Variants in FECH observed in about 807,000 individuals in gnomAD.
The protein encoded by FECH is ferrochelatase.
Under a neutral mutation model 56.9 loss-of-function variants are expected in FECH, and 40 were observed. The ratio of observed to expected loss-of-function variants is 0.70; its 90% CI spans 0.55 to 0.92. FECH has a LOEUF of 0.92. FECH is among the 40% of genes least tolerant of loss of function. The pLI, the probability that FECH is intolerant of heterozygous loss-of-function variation, is 0.00. For missense variants in FECH, 431 were observed against 529.1 expected, an observed-to-expected ratio of 0.81 and a Z score of 1.82; for synonymous variants, 175 against 198.6, an observed-to-expected ratio of 0.88 and a Z score of 1.00.
intron 6 of FECH, among the ~76,000 whole-genome samples, chr18:57,562,072 T>C (rs190351782): frequency 4.3e-4 from 65 of 152,318 alleles, no homozygotes; most frequent in African/African-American, 1.4e-3. Flanking sequence ...CTAAAGAAGT[T>C]GTTAGTAGGG....
chr18:57,563,976 T>C (rs1479944277), intron 5 of FECH, among the ~76,000 whole-genome samples: 1 of 152,194 alleles, frequency 6.6e-6, no homozygotes, highest in Non-Finnish European at 1.5e-5. Flanking sequence ...ACTCTTGGGT[T>C]CAAGTGATTC....
chr18:57,582,666 C>G (rs1256056316), intron 1 of FECH, among the ~76,000 whole-genome samples: 3 of 151,256 alleles, frequency 2.0e-5, no homozygotes, highest in Non-Finnish European at 4.4e-5. Flanking sequence ...GTAATCCCAG[C>G]ACTTTGGGAG....
intron 2 of FECH, among the ~76,000 whole-genome samples, chr18:57,577,665 G>A (rs574784519): frequency 6.8e-6 from 1 of 148,138 alleles, no homozygotes; most frequent in Non-Finnish European, 1.5e-5. Context: ...AAGTATTTAT[G>A]ATGATAAAGT....
At chr18:57,558,568 T>A (rs1436117541) in intron 7 of FECH, among the ~76,000 whole-genome samples, 1 of 152,236 alleles carries the variant, frequency 6.6e-6, no homozygotes, top group Non-Finnish European at 1.5e-5. Context: ...AAAAGCAGCC[T>A]TCTCTTAACT....
intron 4 of FECH, among the ~76,000 whole-genome samples, chr18:57,570,028 TTGTCGTGTGTGTG>T (rs772998476): frequency 2.6e-4 from 26 of 101,866 alleles, no homozygotes; most frequent in East Asian, 6.4e-4. Context: ...GTTGTTGTTG[TTGTCGTGTGTGTG>T]TGTGTGTGTG....
chr18:57,570,025 TTGTTGTCGTGTG>T (rs1477486425), intron 4 of FECH, among the ~76,000 whole-genome samples: 205 of 113,490 alleles, frequency 1.8e-3, no homozygotes, highest in Middle Eastern at 9.3e-3. Flanking sequence ...GTTGTTGTTG[TTGTTGTCGTGTG>T]TGTGTGTGTG....
At chr18:57,566,312 C>G in intron 5 of FECH, 135 bp downstream of exon 5, 1 of 1,221,684 alleles carries the variant, frequency 8.2e-7, no homozygotes, top group South Asian at 1.2e-5. Context: ...GACCTGAACT[C>G]TCGTGTTTAA....
At chr18:57,585,481 C>T (rs150505986) in intron 1 of FECH, among the ~76,000 whole-genome samples, 32 of 152,326 alleles carry the variant, frequency 2.1e-4, no homozygotes, top group Middle Eastern at 6.8e-3. Context: ...TTCAATACTT[C>T]TTTCAGCCCC....
At chr18:57,563,275 C>T (rs969247271) in intron 5 of FECH, among the ~76,000 whole-genome samples, 1 of 152,036 alleles carries the variant, frequency 6.6e-6, no homozygotes, top group Non-Finnish European at 1.5e-5. Context: ...TTACAGGGAC[C>T]AAGTCTTACA....
rs755462599 is a variant in FECH, at chr18:57,551,276, T to C, written c.1137+39A>G. 13 of 1,415,680 alleles carry C rather than the reference T, an allele frequency of 9.2e-6. No individual in the cohort carries two copies. In the Admixed American group the frequency reaches 2.0e-4, roughly 22 times the overall value. The allele number at this position is 1,415,680 out of a possible 1,614,324, so 87.7% of individuals were successfully genotyped here. A position where few individuals can be genotyped will look rare whatever the true frequency, so the allele number is the denominator to read the frequency against. ...AAGAGTTTCTCAGAGGATTACTCTCTGGTATGTTCTACTAAAACGATTGTA... is the reference window on the plus strand; with the variant it reads ...AAGAGTTTCTCAGAGGATTACTCTCCGGTATGTTCTACTAAAACGATTGTA... On this transcript the variant is annotated intron_variant, in intron 10 of 10. Coordinates refer to ENST00000262093, the MANE Select transcript of FECH (RefSeq NM_000140.5).
In FECH at chr18:57,546,178, C is replaced by T. The variant is rs926650106; in HGVS notation, c.*4534G>A. On this transcript the variant is annotated 3_prime_UTR_variant, in exon 11 of 11. Coordinates refer to ENST00000262093, the MANE Select transcript of FECH (RefSeq NM_000140.5). ...TCCTGGGCCACCTTCAGGATTCTGG[C>T]AGAAGGGGTTTCAGGTGAGGTGAGA... Among the ~76,000 whole-genome samples the T allele has an allele frequency of 5.9e-5, 9 of 152,156 alleles. No homozygotes were observed. Among genetic ancestry groups the T allele is most frequent in the Admixed American group, 2.0e-4 (3 of 15,268 alleles).
chr18:57,579,714 A>ATT (rs1289342491), intron 2 of FECH, among the ~76,000 whole-genome samples: 3 of 152,246 alleles, frequency 2.0e-5, no homozygotes, highest in Non-Finnish European at 4.4e-5. Flanking sequence ...TAGACCAGTT[A>ATT]TTCGTTATCC....
chr18:57,582,935 C>T (rs1010091825), intron 1 of FECH, among the ~76,000 whole-genome samples: 3 of 151,272 alleles, frequency 2.0e-5, no homozygotes, highest in African/African-American at 4.9e-5. Flanking sequence ...AAGAAGGAAG[C>T]GGTGGGGAGG....
At position 57,546,831 on chromosome 18, in the gene FECH, C is replaced by T. The variant is rs994149643; in HGVS notation, c.*3881G>A. ...AAAATTAGCCGGGCATGGTGGCACA[C>T]GCCTGAGTAGCCCAGCTACTCCGGA... On this transcript the variant is annotated 3_prime_UTR_variant, in exon 11 of 11. Coordinates refer to ENST00000262093, the MANE Select transcript of FECH (RefSeq NM_000140.5). Among the ~76,000 whole-genome samples, 9 of 151,838 alleles carry T rather than the reference C, an allele frequency of 5.9e-5. No homozygotes were observed. The highest frequency in any genetic ancestry group is 4.6e-4 in the Admixed American group (7 of 15,256).
chr18:57,584,989 C>T (rs1301856517), intron 1 of FECH, among the ~76,000 whole-genome samples: 4 of 149,354 alleles, frequency 2.7e-5, no homozygotes, highest in Admixed American at 2.0e-4. Context: ...CCAGCCTGAG[C>T]GACAGAGCAA....
At chr18:57,568,469 C>A (rs2122307305) in intron 4 of FECH, among the ~76,000 whole-genome samples, 1 of 152,336 alleles carries the variant, frequency 6.6e-6, no homozygotes, top group Admixed American at 6.5e-5. Context: ...TCCAACTGGG[C>A]ATATCCTGAG....
Position 57,545,193 on chromosome 18 carries a change from A to G in FECH, c.*5519T>C, listed in dbSNP as rs2122219575. On this transcript the variant is annotated 3_prime_UTR_variant, in exon 11 of 11. Coordinates refer to ENST00000262093, the MANE Select transcript of FECH (RefSeq NM_000140.5). ...TCAGAGTGAAGGCTCACAAGAAATC[A>G]GAAACAGGACCCAGATCTCTACCCA... Among the ~76,000 whole-genome samples, 1 of 152,360 alleles carries G rather than the reference A, an allele frequency of 6.6e-6. No homozygotes were observed. The highest frequency in any genetic ancestry group is 2.1e-4 in the South Asian group (1 of 4,826).
chr18:57,582,248 G>T (rs2051291683), intron 1 of FECH, among the ~76,000 whole-genome samples: 1 of 152,028 alleles, frequency 6.6e-6, no homozygotes, highest in Non-Finnish European at 1.5e-5. Context: ...AATCCAAAAT[G>T]CTCCAAAACC....
chr18:57,558,229 T>C (rs2050893058), intron 7 of FECH, among the ~76,000 whole-genome samples: 1 of 152,244 alleles, frequency 6.6e-6, no homozygotes, highest in Admixed American at 6.5e-5. Context: ...TCTGAGCAGA[T>C]GAAACTGGTT....
Sources: allele counts gnomAD v4.1 joint callset (sites outside exome capture counted in the v4.1 genomes callset), GRCh38; gene constraint gnomAD v4.1.1; transcripts MANE v1.5; gene names NCBI Gene and HGNC (gene_info 2026-07-23, HGNC 2026-07-21).